The following HNF1B variants were observed in gnomAD, a reference collection of about 807,000 sequenced individuals.
The protein encoded by HNF1B is hepatocyte nuclear factor 1-beta.
Under a neutral mutation model 61.7 loss-of-function variants are expected in HNF1B, and 8 were observed. The ratio of observed to expected loss-of-function variants is 0.13; its 90% CI spans 0.08 to 0.23. HNF1B has a LOEUF of 0.23. HNF1B is among the 10% of genes least tolerant of loss of function. The pLI, the probability that HNF1B is intolerant of heterozygous loss-of-function variation, is 1.00. For missense variants in HNF1B, 562 were observed against 714.5 expected, an observed-to-expected ratio of 0.79 and a Z score of 2.43; for synonymous variants, 314 against 287.7, an observed-to-expected ratio of 1.09 and a Z score of -0.93.
chr17:37,692,227 T>G (rs1218667858), intron 8 of HNF1B, among the ~76,000 whole-genome samples: 1 of 152,234 alleles, frequency 6.6e-6, no homozygotes, highest in Admixed American at 6.5e-5. Flanking sequence ...CCCAAGGCCC[T>G]TGGGGCATGT....
chr17:37,724,878 T>TAC (rs2147519660), intron 4 of HNF1B, among the ~76,000 whole-genome samples: 1 of 151,220 alleles, frequency 6.6e-6, no homozygotes, highest in East Asian at 1.9e-4. Context: ...GCATTCCTTT[T>TAC]ATATATATAA....
At chr17:37,724,937 TA>T (rs2033448886) in intron 4 of HNF1B, among the ~76,000 whole-genome samples, 1 of 79,718 alleles carries the variant, frequency 1.3e-5, no homozygotes, top group Non-Finnish European at 2.5e-5. Context: ...TGTGTGTGTG[TA>T]TATATATATA....
chr17:37,697,790 G>A (rs1429736285), intron 8 of HNF1B, among the ~76,000 whole-genome samples: 1 of 152,068 alleles, frequency 6.6e-6, no homozygotes, highest in Non-Finnish European at 1.5e-5. Flanking sequence ...GGCAAAGCAG[G>A]TCCCACACAC....
Position 37,701,116 on chromosome 17 carries a change from T to C in HNF1B, c.1401A>G (p.Ala467=), listed in dbSNP as rs1287932190. 1 of 1,552,464 alleles carries C rather than the reference T, an allele frequency of 6.4e-7. No homozygotes were observed. The highest frequency in any genetic ancestry group is 8.7e-7 in the Non-Finnish European group (1 of 1,147,830). ...PVINSVAGSL[A]ALQPVQFSQQ... The stretch of plus-strand genomic sequence containing the variant: ...GGGAGAACTGGACGGGCTGCAGGGC[T>C]GCCAGGCTGCCGGCCACACTGTTGA... The change falls in exon 7 of 9, where the codon GCA becomes GCG. Residue 467 remains alanine (A), a synonymous_variant. Transcript: ENST00000617811.
chr17:37,719,735 C>T (rs1390006708), intron 4 of HNF1B, among the ~76,000 whole-genome samples: 1 of 152,196 alleles, frequency 6.6e-6, no homozygotes, highest in African/African-American at 2.4e-5. Flanking sequence ...TGGGTGTCCA[C>T]ACAAAAGTAA....
chr17:37,699,221 C>T (rs773375486), intron 7 of HNF1B, 27 bp from the exon 8 acceptor site: 19 of 1,565,284 alleles, frequency 1.2e-5, no homozygotes, highest in Non-Finnish European at 1.7e-5. Context: ...AAGACAGAAT[C>T]AAGGTGCATA....
At chr17:37,717,386 C>T (rs1454341104) in intron 4 of HNF1B, among the ~76,000 whole-genome samples, 1 of 152,214 alleles carries the variant, frequency 6.6e-6, no homozygotes, top group Admixed American at 6.5e-5. Flanking sequence ...CCCTGTGTTT[C>T]TAACCTCATG....
intron 4 of HNF1B, among the ~76,000 whole-genome samples, chr17:37,716,445 C>T (rs1046427574): frequency 1.3e-4 from 20 of 152,086 alleles, no homozygotes; most frequent in African/African-American, 4.6e-4. Flanking sequence ...GTGATCCGCC[C>T]GCCTCAGCCT....
intron 2 of HNF1B, among the ~76,000 whole-genome samples, chr17:37,738,621 G>C (rs939640595): frequency 6.6e-6 from 1 of 152,224 alleles, no homozygotes; most frequent in Non-Finnish European, 1.5e-5. Context: ...CTAAAATACA[G>C]ACAGTATGTC....
chr17:37,712,073 A>C (rs2032952591), intron 4 of HNF1B, among the ~76,000 whole-genome samples: 1 of 152,214 alleles, frequency 6.6e-6, no homozygotes, highest in African/African-American at 2.4e-5. Context: ...TATGACCTAG[A>C]GCTTAAGAGG....
chr17:37,720,115 A>T (rs2033261302), intron 4 of HNF1B, among the ~76,000 whole-genome samples: 1 of 152,230 alleles, frequency 6.6e-6, no homozygotes, highest in African/African-American at 2.4e-5. Context: ...GCACCACCAG[A>T]GACCTAATGG....
intron 8 of HNF1B, among the ~76,000 whole-genome samples, chr17:37,697,876 C>T (rs903946245): frequency 4.6e-5 from 7 of 152,128 alleles, no homozygotes; most frequent in Non-Finnish European, 8.8e-5. Context: ...ACACCAGTTA[C>T]TTAATCTACG....
intron 4 of HNF1B, among the ~76,000 whole-genome samples, chr17:37,727,618 G>A (rs925817536): frequency 9.8e-5 from 15 of 152,326 alleles, no homozygotes; most frequent in East Asian, 7.7e-4. Flanking sequence ...CAGTGTGTTT[G>A]TAGGGCATCT....
chr17:37,702,249 G>A (rs149527630), intron 6 of HNF1B, among the ~76,000 whole-genome samples: 2 of 152,270 alleles, frequency 1.3e-5, no homozygotes, highest in East Asian at 1.9e-4. Flanking sequence ...AAATGGAGAC[G>A]GTTTCATAGG....
intron 8 of HNF1B, among the ~76,000 whole-genome samples, chr17:37,690,982 A>G (rs934550794): frequency 1.3e-5 from 2 of 152,184 alleles, no homozygotes; most frequent in Non-Finnish European, 2.9e-5. Context: ...CCAAAGAATG[A>G]GGCCCGGGGC....
At chr17:37,739,832 A>G (rs572701319) in intron 1 of HNF1B, among the ~76,000 whole-genome samples, 193 bp from the exon 2 acceptor site, 1 of 152,218 alleles carries the variant, frequency 6.6e-6, no homozygotes, top group South Asian at 2.1e-4. Flanking sequence ...TGTACGGTAC[A>G]CCTCATCCCT....
Position 37,687,206 on chromosome 17 carries a change from T to G in HNF1B, c.*166A>C, listed in dbSNP as rs2032000026. 4.5e-6 allele frequency: 5 copies of G among 1,108,296 alleles called. No homozygotes were observed. The highest frequency in any genetic ancestry group is 2.3e-4 in the Middle Eastern group (1 of 4,326). 68.7% of individuals were successfully genotyped at this position (1,108,296 alleles called of 1,614,324 possible). ...AAACTGGGCTTCGGGCTGCGCCTCCTGAGAGTGGATTGTCTGAGGTGCCAG... is the reference window on the plus strand; with the variant it reads ...AAACTGGGCTTCGGGCTGCGCCTCCGGAGAGTGGATTGTCTGAGGTGCCAG... On this transcript the variant is annotated 3_prime_UTR_variant, in exon 9 of 9. Coordinates refer to ENST00000617811, the MANE Select transcript of HNF1B (RefSeq NM_000458.4).
intron 4 of HNF1B, among the ~76,000 whole-genome samples, chr17:37,726,147 T>TGTGC (rs1471957095): frequency 2.0e-5 from 3 of 151,868 alleles, no homozygotes; most frequent in Non-Finnish European, 2.9e-5. Flanking sequence ...TGTGTGTGTG[T>TGTGC]GTGTGTGTGT....
intron 3 of HNF1B, among the ~76,000 whole-genome samples, chr17:37,732,831 T>C (rs1479641083): frequency 1.6e-5 from 2 of 125,802 alleles, no homozygotes; most frequent in African/African-American, 3.4e-5. Flanking sequence ...TAACACAGAG[T>C]TGTTTTTTTG....
Sources: allele counts gnomAD v4.1 joint callset (sites outside exome capture counted in the v4.1 genomes callset), GRCh38; gene constraint gnomAD v4.1.1; transcripts MANE v1.5; gene names NCBI Gene and HGNC (gene_info 2026-07-23, HGNC 2026-07-21).